The following SIPA1L1 variants were observed in gnomAD, a reference collection of about 807,000 sequenced individuals.
SIPA1L1 encodes the protein signal induced proliferation associated 1 like 1.
Under a neutral mutation model 162.7 loss-of-function variants are expected in SIPA1L1, and 26 were observed. That is an observed-to-expected ratio of 0.16 (90% CI 0.12 to 0.22). SIPA1L1 has a LOEUF of 0.22. Ranked by LOEUF, SIPA1L1 falls within the 10% of genes least tolerant of loss-of-function variation. SIPA1L1 has a pLI of 1.00. For missense variants in SIPA1L1, 1,874 were observed against 2,241.0 expected (o/e 0.84, Z 3.31); for synonymous variants, 829 against 837.4 (o/e 0.99, Z 0.17).
chr14:71,691,066 C>G (rs2081219726), intron 13 of SIPA1L1, among the ~76,000 whole-genome samples: 1 of 152,214 alleles, frequency 6.6e-6, no homozygotes, highest in South Asian at 2.1e-4. Context: ...CCCCTCAGCA[C>G]TATCATCCCA....
intron 2 of SIPA1L1, among the ~76,000 whole-genome samples, chr14:71,336,525 G>A (rs925232931): frequency 1.3e-4 from 20 of 152,130 alleles, no homozygotes; most frequent in Non-Finnish European, 1.8e-4. Flanking sequence ...TTTTTTGCAA[G>A]CGCTTTAACT....
chr14:71,695,716 T>C (rs1458268783), intron 13 of SIPA1L1, among the ~76,000 whole-genome samples: 4 of 152,322 alleles, frequency 2.6e-5, no homozygotes, highest in South Asian at 2.1e-4. Context: ...TGCTGTCTCC[T>C]TTTTTTCTAG....
rs1308250801 is a variant in SIPA1L1, at chr14:71,419,584, G to A, written c.-464-93159G>A. 2.1e-5 allele frequency among the ~76,000 whole-genome samples: 3 copies of A among 141,910 alleles called. No individual in the cohort carries two copies. In the Admixed American group the frequency reaches 2.3e-4, roughly 11 times the overall value. The allele number at this position is 141,910 out of a possible 152,430, so 93.1% of individuals were successfully genotyped here. On this transcript the variant is annotated intron_variant, in intron 2 of 23. Coordinates refer to ENST00000381232, the MANE Select transcript of SIPA1L1 (RefSeq NM_001386936.1). Reference sequence around the variant, plus strand: ...GCAATCTCGGCTCACTGCAAGCTCCGCTTCCCGGGTTCACGCCATTCTCCT... The same window carrying A: ...GCAATCTCGGCTCACTGCAAGCTCCACTTCCCGGGTTCACGCCATTCTCCT...
At chr14:71,541,951 A>G (rs577604637) in intron 4 of SIPA1L1, among the ~76,000 whole-genome samples, 3 of 152,306 alleles carry the variant, frequency 2.0e-5, no homozygotes. Flanking sequence ...AAGGAATTCT[A>G]AAACACGTAA....
chr14:71,483,248 T>C (rs907585117), intron 2 of SIPA1L1, among the ~76,000 whole-genome samples: 1 of 152,236 alleles, frequency 6.6e-6, no homozygotes, highest in African/African-American at 2.4e-5. Context: ...GGGTACCGTT[T>C]TTCTTTCTAT....
intron 2 of SIPA1L1, among the ~76,000 whole-genome samples, chr14:71,323,666 T>C (rs951501289): frequency 1.3e-5 from 2 of 152,150 alleles, no homozygotes; most frequent in African/African-American, 2.4e-5. Flanking sequence ...ATCATGGAAG[T>C]TCAAATCTGA....
chr14:71,355,158 G>T (rs1321444201), intron 2 of SIPA1L1, among the ~76,000 whole-genome samples: 1 of 152,214 alleles, frequency 6.6e-6, no homozygotes, highest in Non-Finnish European at 1.5e-5. Flanking sequence ...ATTAGTCAAA[G>T]ATATCAAATG....
intron 22 of SIPA1L1, 32 bp downstream of exon 22, chr14:71,735,423 C>A: frequency 7.0e-7 from 1 of 1,426,952 alleles, no homozygotes; most frequent in Non-Finnish European, 9.9e-7. Context: ...GTACTCTGCA[C>A]CTTGTGTCAC....
At chr14:71,524,159 AT>A (rs1567148233) in intron 3 of SIPA1L1, among the ~76,000 whole-genome samples, 1 of 152,220 alleles carries the variant, frequency 6.6e-6, no homozygotes, top group Non-Finnish European at 1.5e-5. Flanking sequence ...GTTAAAAACT[AT>A]GATTTCATAG....
chr14:71,361,495 A>G (rs532750629), intron 2 of SIPA1L1, among the ~76,000 whole-genome samples: 1 of 152,200 alleles, frequency 6.6e-6, no homozygotes, highest in African/African-American at 2.4e-5. Context: ...TGAGATGGCT[A>G]TCTGAGAACC....
intron 4 of SIPA1L1, among the ~76,000 whole-genome samples, chr14:71,537,002 C>A (rs540842736): frequency 6.6e-6 from 1 of 152,026 alleles, no homozygotes; most frequent in South Asian, 2.1e-4. Context: ...TAGTTCTGAA[C>A]TCTTGTCTTC....
intron 7 of SIPA1L1, among the ~76,000 whole-genome samples, chr14:71,643,368 G>A (rs566771193): frequency 6.6e-5 from 10 of 152,264 alleles, no homozygotes; most frequent in Non-Finnish European, 1.0e-4. Flanking sequence ...AGATGTTTAC[G>A]TCTCAGAGTC....
chr14:71,710,922 G>T (rs149428316), intron 17 of SIPA1L1, among the ~76,000 whole-genome samples: 32 of 152,066 alleles, frequency 2.1e-4, no homozygotes, highest in Non-Finnish European at 4.4e-4. Flanking sequence ...GTAAACCCCA[G>T]ATAACCTTAA....
At chr14:71,538,835 GA>G (rs1218050524) in intron 4 of SIPA1L1, among the ~76,000 whole-genome samples, 1 of 152,170 alleles carries the variant, frequency 6.6e-6, no homozygotes, top group Non-Finnish European at 1.5e-5. Context: ...AAGGAAAAAG[GA>G]GAGAAAGAAA....
At chr14:71,437,161 A>T (rs1369337107) in intron 2 of SIPA1L1, among the ~76,000 whole-genome samples, 1 of 152,040 alleles carries the variant, frequency 6.6e-6, no homozygotes, top group South Asian at 2.1e-4. Flanking sequence ...ATCCTCTAAG[A>T]ATTTGTTTTG....
chr14:71,476,943 C>G (rs115865094), intron 2 of SIPA1L1, among the ~76,000 whole-genome samples: 1 of 152,020 alleles, frequency 6.6e-6, no homozygotes, highest in African/African-American at 2.4e-5. Flanking sequence ...CCCCATAACT[C>G]TTCTACCTCG....
chr14:71,544,099 A>G (rs1286913696), intron 4 of SIPA1L1, among the ~76,000 whole-genome samples: 1 of 150,638 alleles, frequency 6.6e-6, no homozygotes, highest in Non-Finnish European at 1.5e-5. Context: ...ATACACACGC[A>G]CATGTATGTA....
intron 2 of SIPA1L1, among the ~76,000 whole-genome samples, chr14:71,496,804 C>T (rs947572515): frequency 2.6e-5 from 4 of 152,076 alleles, no homozygotes; most frequent in Non-Finnish European, 5.9e-5. Flanking sequence ...CACTGATGAC[C>T]CTTTTATCAT....
At chr14:71,409,093 C>T (rs576622182) in intron 2 of SIPA1L1, among the ~76,000 whole-genome samples, 1 of 152,220 alleles carries the variant, frequency 6.6e-6, no homozygotes, top group Non-Finnish European at 1.5e-5. Flanking sequence ...TCCTGAACTT[C>T]AGGTTCAACA....
Sources: gnomAD v4.1 joint callset for allele counts (sites outside exome capture counted in the v4.1 genomes callset) on GRCh38, gnomAD v4.1.1 for gene constraint, MANE v1.5 for transcripts, NCBI Gene and HGNC (gene_info 2026-07-23, HGNC 2026-07-21) for gene names.